ING2: variants seen among roughly 807,000 people sequenced by gnomAD.
ING2 encodes the protein inhibitor of growth family member 2.
A neutral mutation model predicts 30.6 loss-of-function variants in ING2; 7 were observed. The observed-to-expected ratio is 0.23, with a 90% CI of 0.13 to 0.43. ING2 has a LOEUF of 0.43. Among genes scored for constraint, ING2 ranks in the 20% least tolerant of loss-of-function variants. ING2 has a pLI of 1.00. For missense variants in ING2, 239 were observed against 334.9 expected (o/e 0.71, Z 2.24); for synonymous variants, 136 against 121.7 (o/e 1.12, Z -0.78).
chr4:183,510,708 C>T lies in ING2; in HGVS notation c.599C>T (p.Ala200Val). 2 of 1,614,216 alleles carry T rather than the reference C, an allele frequency of 1.2e-6. No homozygotes were observed. Among genetic ancestry groups the T allele is most frequent in the Non-Finnish European group, 1.7e-6 (2 of 1,180,036 alleles). Reference protein sequence around the residue: ...KRSKAKQEREASPVEFAIDPN... With the variant: ...KRSKAKQEREVSPVEFAIDPN... Reference sequence around the variant, plus strand: ...TCCAAGGCCAAGCAGGAAAGGGAAGCTTCACCTGTTGAGTTTGCAATAGAT... The same window carrying T: ...TCCAAGGCCAAGCAGGAAAGGGAAGTTTCACCTGTTGAGTTTGCAATAGAT... Residue 200 changes from alanine (A) to valine (V), a missense_variant, in exon 2 of 2, where the codon GCT (alanine) becomes GTT (valine). This residue lies in a region of ING2 where 115 missense variants were observed against 120.1 expected (regional missense o/e 0.96). Transcript: ENST00000302327.
Position 183,508,820 on chromosome 4 carries a change from C to T in ING2, c.173-1462C>T, listed in dbSNP as rs114090873. Among the ~76,000 whole-genome samples the T allele has an allele frequency of 1.3e-3, 199 of 152,288 alleles. 2 individuals carry two copies. Among genetic ancestry groups the T allele is most frequent in the African/African-American group, 4.5e-3 (188 of 41,574 alleles). On this transcript the variant is annotated intron_variant, in intron 1 of 1. Coordinates refer to ENST00000302327, the MANE Select transcript of ING2 (RefSeq NM_001564.4). ...AGAAATAAAACGGATTCGAGCAAAA[C>T]TAATCTTAAGTAAATTTTTGGTGAC... is the stretch of plus-strand genomic sequence containing the variant.
intron 1 of ING2, among the ~76,000 whole-genome samples, chr4:183,505,792 C>G (rs567695455): frequency 6.6e-6 from 1 of 152,170 alleles, no homozygotes; most frequent in Non-Finnish European, 1.5e-5. Context: ...CACTCGCCCC[C>G]ACCCCGGAGT....
intron 1 of ING2, among the ~76,000 whole-genome samples, chr4:183,507,051 A>G (rs1176788281): frequency 6.6e-6 from 1 of 152,224 alleles, no homozygotes; most frequent in African/African-American, 2.4e-5. Flanking sequence ...TAATAATTGT[A>G]TATGGAACCT....
rs763137621 is a variant in ING2 at position 183,505,265 on chromosome 4, C to T, written c.70C>T (p.Leu24Phe). ...ALLTGERSRL[L>F]TCYVQDYLEC... is the part of the protein sequence containing the mutation. ...CCTGACCGGGGAGCGGAGCCGGCTG[C>T]TCACCTGCTACGTGCAGGACTACCT... The change falls in exon 1 of 2, where the codon CTC (leucine) becomes TTC (phenylalanine). Residue 24 changes from leucine (L) to phenylalanine (F), a missense_variant. Physicochemically the swap from Leu to Phe is conservative, Grantham distance 22. Coordinates refer to ENST00000302327, the MANE Select transcript of ING2 (RefSeq NM_001564.4). The T allele has an allele frequency of 1.9e-6, 3 of 1,590,878 alleles. No homozygotes were observed. The highest frequency in any genetic ancestry group is 1.4e-5 in the African/African-American group (1 of 73,972).
In ING2 at chr4:183,511,148, G is replaced by C. The variant is rs1734813559; in HGVS notation, c.*196G>C. 4.2e-6 allele frequency: 2 copies of C among 478,966 alleles called. No homozygotes were observed. Among genetic ancestry groups the C allele is most frequent in the Non-Finnish European group, 7.3e-6 (2 of 273,366 alleles). 29.7% of individuals were successfully genotyped at this position (478,966 alleles called of 1,614,324 possible). A position where few individuals can be genotyped will look rare whatever the true frequency, so the allele number is the denominator to read the frequency against. On this transcript the variant is annotated 3_prime_UTR_variant, in exon 2 of 2. Coordinates refer to ENST00000302327, the MANE Select transcript of ING2 (RefSeq NM_001564.4). ...GTTACCAAATATTTCCAACCAGGTA[G>C]TCTTCAGATCACCTGATGAAAGGAG... is the stretch of plus-strand genomic sequence containing the variant.
chr4:183,508,244 T>C (rs1399945549), intron 1 of ING2, among the ~76,000 whole-genome samples: 2 of 152,150 alleles, frequency 1.3e-5, no homozygotes, highest in Admixed American at 6.6e-5. Context: ...TAATACGGTA[T>C]CTTACAAATT....
At chr4:183,507,226 G>A (rs950632830) in intron 1 of ING2, among the ~76,000 whole-genome samples, 6 of 152,184 alleles carry the variant, frequency 3.9e-5, no homozygotes, top group African/African-American at 1.2e-4. Flanking sequence ...TCAGCCTCCC[G>A]AGTAGCTGGG....
chr4:183,506,042 C>T (rs1041584946), intron 1 of ING2: 5 of 1,091,582 alleles, frequency 4.6e-6, no homozygotes, highest in East Asian at 1.8e-4. Flanking sequence ...CGGGGAGGGC[C>T]CCCGCGCCGG....
rs1218688311 is a variant in ING2 at position 183,505,242 on chromosome 4, T to C, written c.47T>C (p.Leu16Pro). 6.3e-7 allele frequency: 1 copy of C among 1,598,684 alleles called. No homozygotes were observed. The highest frequency in any genetic ancestry group is 8.5e-7 in the Non-Finnish European group (1 of 1,173,796). The change falls in exon 1 of 2, where the codon CTG (leucine) becomes CCG (proline). Residue 16 changes from leucine (L) to proline (P), a missense_variant. By Grantham distance (98) the Leu-to-Pro change is moderately conservative (BLOSUM62 -3). This residue lies in a region of ING2 where 80 missense variants were observed against 102.4 expected (regional missense o/e 0.78). Coordinates refer to ENST00000302327, the MANE Select transcript of ING2 (RefSeq NM_001564.4). The stretch of plus-strand genomic sequence containing the variant: ...CAACTGTACTCGTCGGCCGCGCTCC[T>C]GACCGGGGAGCGGAGCCGGCTGCTC... Reference protein sequence around the residue: ...QQQLYSSAALLTGERSRLLTC... With the variant: ...QQQLYSSAALPTGERSRLLTC...
At chr4:183,505,421 G>C (rs1329962720) in intron 1 of ING2, 54 bp downstream of exon 1, 61 of 1,456,438 alleles carry the variant, frequency 4.2e-5, no homozygotes, top group Non-Finnish European at 5.5e-5. Context: ...AGCCTGTCCG[G>C]GGGAGTGCCA....
intron 1 of ING2, among the ~76,000 whole-genome samples, chr4:183,509,734 CTT>C (rs35064658): frequency 3.7e-4 from 43 of 116,034 alleles, no homozygotes; most frequent in Admixed American, 4.5e-4. Context: ...CGCGCCTGGC[CTT>C]TTTTTTTTTT....
In ING2 at chr4:183,511,034, TA is replaced by T; in HGVS notation, c.*84del. 6 of 1,059,356 alleles carry T rather than the reference TA, an allele frequency of 5.7e-6. No homozygotes were observed. The highest frequency in any genetic ancestry group is 1.6e-5 in the African/African-American group (1 of 62,020). 65.6% of individuals were successfully genotyped at this position (1,059,356 alleles called of 1,614,324 possible). On this transcript the variant is annotated 3_prime_UTR_variant, in exon 2 of 2. Transcript: ENST00000302327. ...CAGAAAATGTTTTAGGGTAAATGCATAAGACTATGCAATAATTTTTAATCAT... is the reference window on the plus strand; with the variant it reads ...CAGAAAATGTTTTAGGGTAAATGCATAGACTATGCAATAATTTTTAATCAT...
At position 183,511,058 on chromosome 4, in the gene ING2, C is replaced by A. The variant is rs1173191649; in HGVS notation, c.*106C>A. On this transcript the variant is annotated 3_prime_UTR_variant, in exon 2 of 2. Coordinates refer to ENST00000302327, the MANE Select transcript of ING2 (RefSeq NM_001564.4). ...ATAAGACTATGCAATAATTTTTAATCATTAGTATTAATGGTGTATTAAAAG... is the reference window on the plus strand; with the variant it reads ...ATAAGACTATGCAATAATTTTTAATAATTAGTATTAATGGTGTATTAAAAG... 2.3e-6 allele frequency: 2 copies of A among 882,552 alleles called. No homozygotes were observed. Among genetic ancestry groups the A allele is most frequent in the Non-Finnish European group, 3.4e-6 (2 of 589,740 alleles). 54.7% of individuals were successfully genotyped at this position (882,552 alleles called of 1,614,324 possible). A position where few individuals can be genotyped will look rare whatever the true frequency, so the allele number is the denominator to read the frequency against.
rs1734799289 is a variant in ING2 at position 183,510,579 on chromosome 4, C to T, written c.470C>T (p.Thr157Ile). Reference sequence around the variant, plus strand: ...TCAAGAAGACCCCGCAGGCAGCGGACCAGTGAAAGCCGTGATTTATGTCAC... The same window carrying T: ...TCAAGAAGACCCCGCAGGCAGCGGATCAGTGAAAGCCGTGATTTATGTCAC... Reference protein sequence around the residue: ...RSSRRPRRQRTSESRDLCHMA... With the variant: ...RSSRRPRRQRISESRDLCHMA... The change falls in exon 2 of 2, where the codon ACC (threonine) becomes ATC (isoleucine). Residue 157 changes from threonine to isoleucine, a missense_variant. This residue lies in a region of ING2 where 115 missense variants were observed against 120.1 expected (regional missense o/e 0.96). Coordinates refer to ENST00000302327, the MANE Select transcript of ING2 (RefSeq NM_001564.4). 1 of 1,613,890 alleles carries T rather than the reference C, an allele frequency of 6.2e-7. No individual in the cohort carries two copies. The highest frequency in any genetic ancestry group is 8.5e-7 in the Non-Finnish European group (1 of 1,180,028).
At chr4:183,509,773 G>A (rs1173013314) in intron 1 of ING2, among the ~76,000 whole-genome samples, 1 of 111,404 alleles carries the variant, frequency 9.0e-6, no homozygotes, top group South Asian at 3.0e-4. Flanking sequence ...TTGCTCTGTC[G>A]CCCAGACCGG....
rs545306557 is a variant in ING2, at chr4:183,506,109, C to T, written c.172+742C>T. 3.3e-6 allele frequency: 4 copies of T among 1,195,512 alleles called. No individual in the cohort carries two copies. The Admixed American group carries it at 8.8e-5, about 26-fold the overall frequency. 74.1% of individuals were successfully genotyped at this position (1,195,512 alleles called of 1,614,324 possible). A position where few individuals can be genotyped will look rare whatever the true frequency, so the allele number is the denominator to read the frequency against. Reference sequence around the variant, plus strand: ...GGGAGGGGCGCGGCGCGCGTTCCCGCGGGCCTGGAAAATGGCTGGTCGCGA... The same window carrying T: ...GGGAGGGGCGCGGCGCGCGTTCCCGTGGGCCTGGAAAATGGCTGGTCGCGA... On this transcript the variant is annotated intron_variant, in intron 1 of 1. Coordinates refer to ENST00000302327, the MANE Select transcript of ING2 (RefSeq NM_001564.4).
At position 183,505,425 on chromosome 4, in the gene ING2, A is replaced by T. The variant is rs1329153632; in HGVS notation, c.172+58A>T. 2.8e-6 allele frequency: 4 copies of T among 1,415,750 alleles called. No individual in the cohort carries two copies. The East Asian group carries it at 8.6e-5, about 30-fold the overall frequency. The allele number at this position is 1,415,750 out of a possible 1,614,324, so 87.7% of individuals were successfully genotyped here. A position where few individuals can be genotyped will look rare whatever the true frequency, so the allele number is the denominator to read the frequency against. The stretch of plus-strand genomic sequence containing the variant: ...CGGTGGCGGGGAGCCTGTCCGGGGG[A>T]GTGCCACCTTCCCTTTCTCCCGTGA... On this transcript the variant is annotated intron_variant, in intron 1 of 1. Transcript: ENST00000302327.
In ING2 at chr4:183,506,109, C is replaced by G. The variant is rs545306557; in HGVS notation, c.172+742C>G. 3 of 1,195,630 alleles carry G rather than the reference C, an allele frequency of 2.5e-6. No homozygotes were observed. In the South Asian group the frequency reaches 4.4e-5, roughly 17 times the overall value. 74.1% of individuals were successfully genotyped at this position (1,195,630 alleles called of 1,614,324 possible). A position where few individuals can be genotyped will look rare whatever the true frequency, so the allele number is the denominator to read the frequency against. ...GGGAGGGGCGCGGCGCGCGTTCCCG[C>G]GGGCCTGGAAAATGGCTGGTCGCGA... is the stretch of plus-strand genomic sequence containing the variant. On this transcript the variant is annotated intron_variant, in intron 1 of 1. Transcript: ENST00000302327.
Position 183,510,335 on chromosome 4 carries a change from T to A in ING2, c.226T>A (p.Leu76Ile). The part of the protein sequence containing the change: ...VYEKYKKEDD[L>I]NQKKRLQQLL... ...CGAAAAATATAAGAAAGAAGATGAT[T>A]TAAACCAGAAGAAACGTCTACAGCA... Residue 76 changes from leucine to isoleucine, a missense_variant, in exon 2 of 2, where the codon TTA becomes ATA. Transcript: ENST00000302327. 1 of 1,609,558 alleles carries A rather than the reference T, an allele frequency of 6.2e-7. No homozygotes were observed. Among genetic ancestry groups the A allele is most frequent in the Non-Finnish European group, 8.5e-7 (1 of 1,178,894 alleles).
Sources: allele counts gnomAD v4.1 joint callset (sites outside exome capture counted in the v4.1 genomes callset), GRCh38; gene constraint gnomAD v4.1.1; regional missense constraint gnomAD v4.1.1; transcripts MANE v1.5; gene names NCBI Gene and HGNC (gene_info 2026-07-23, HGNC 2026-07-21).